CDK13: variants seen among roughly 807,000 people sequenced by gnomAD.
CDK13 encodes cyclin dependent kinase 13.
A neutral mutation model predicts 137.6 loss-of-function variants in CDK13; 40 were observed. The observed-to-expected ratio is 0.29, with a 90% CI of 0.23 to 0.38. The LOEUF (loss-of-function observed/expected upper bound fraction) is 0.38. CDK13 is among the 10% of genes least tolerant of loss of function. The probability of loss-of-function intolerance (pLI) is 1.00; values close to 1 mark genes in which losing one functional copy is unlikely to be tolerated. For missense variants in CDK13, 1,704 were observed against 1,951.8 expected, an observed-to-expected ratio of 0.87 and a Z score of 2.39; for synonymous variants, 869 against 760.1, an observed-to-expected ratio of 1.14 and a Z score of -2.36.
chr7:40,088,000 C>G, intron 11 of CDK13, 126 bp from the exon 12 acceptor site: 1 of 693,162 alleles, frequency 1.4e-6, no homozygotes, highest in Non-Finnish European at 2.4e-6. Context: ...AAGAGTTTTA[C>G]AGAGCCATTC....
intron 4 of CDK13, among the ~76,000 whole-genome samples, chr7:40,001,562 G>A (rs959999568): frequency 4.6e-5 from 7 of 152,040 alleles, no homozygotes; most frequent in Non-Finnish European, 8.8e-5. Flanking sequence ...GAATGTAAAA[G>A]CATCTTAGTT....
intron 3 of CDK13, chr7:39,998,566 C>G (rs566656762): frequency 6.6e-6 from 1 of 150,896 alleles, no homozygotes; most frequent in African/African-American, 2.4e-5. Context: ...CTGTAATGAG[C>G]TGTGATCGTG....
chr7:40,082,224 C>T (rs1786677407), intron 11 of CDK13, among the ~76,000 whole-genome samples: 1 of 152,068 alleles, frequency 6.6e-6, no homozygotes, highest in African/African-American at 2.4e-5. Flanking sequence ...CGCAGTGGCT[C>T]ACGCCTGTAA....
intron 1 of CDK13, among the ~76,000 whole-genome samples, chr7:39,965,568 TCCAATTTGC>T (rs1783852638): frequency 6.6e-6 from 1 of 152,216 alleles, no homozygotes; most frequent in Non-Finnish European, 1.5e-5. Flanking sequence ...TGACTCTTTA[TCCAATTTGC>T]CCATCTGTGT....
chr7:40,035,080 T>TA (rs770717947), intron 5 of CDK13, among the ~76,000 whole-genome samples: 80 of 152,250 alleles, frequency 5.3e-4, no homozygotes, highest in Non-Finnish European at 6.2e-4. Flanking sequence ...GATAAACTCT[T>TA]AGAGTTTTGA....
chr7:40,090,627 G>A (rs769610864), intron 12 of CDK13, among the ~76,000 whole-genome samples: 82 of 149,886 alleles, frequency 5.5e-4, no homozygotes, highest in Admixed American at 4.9e-3. Flanking sequence ...GCTCATGCCC[G>A]TAATCCCAGC....
chr7:39,971,635 A>C (rs1220436558), intron 1 of CDK13, among the ~76,000 whole-genome samples: 3 of 59,306 alleles, frequency 5.1e-5, no homozygotes, highest in Non-Finnish European at 1.1e-4. Context: ...GGTGGCTCGC[A>C]GCACTTTGGG....
At chr7:39,956,858 A>G (rs1408861381) in intron 1 of CDK13, among the ~76,000 whole-genome samples, 2 of 152,184 alleles carry the variant, frequency 1.3e-5, no homozygotes, top group Non-Finnish European at 2.9e-5. Flanking sequence ...AAGTGTTGGG[A>G]TTACAGGCAA....
rs2116062393 is a variant in CDK13 at position 39,951,360 on chromosome 7, A to G, written c.719A>G (p.Glu240Gly). ...CGCAGCCGCCACAGCCACAGCGGCG[A>G]GGAACGGGCCGAGGTCGCCAAGAGC... The part of the protein sequence containing the change: ...KSRSRHSHSG[E>G]ERAEVAKSGS... Residue 240 changes from glutamate (E) to glycine (G), a missense_variant, in exon 1 of 14, where the codon GAG (glutamate) becomes GGG (glycine). Glu to Gly is a moderately conservative substitution (Grantham distance 98, BLOSUM62 -2). Around this residue, in one of 5 missense-constraint regions of CDK13, gnomAD observed 1,051 missense variants for 931.0 expected, o/e 1.13. Transcript: ENST00000181839. 1 of 1,499,420 alleles carries G rather than the reference A, an allele frequency of 6.7e-7. No homozygotes were observed. The highest frequency in any genetic ancestry group is 1.4e-5 in the African/African-American group (1 of 69,152). 92.9% of individuals were successfully genotyped at this position (1,499,420 alleles called of 1,614,324 possible).
intron 5 of CDK13, among the ~76,000 whole-genome samples, chr7:40,023,386 A>G (rs565797330): frequency 1.7e-3 from 254 of 152,180 alleles, no homozygotes; most frequent in African/African-American, 5.9e-3. Flanking sequence ...ATACATTTTC[A>G]TAAGGTATTC....
Position 40,092,925 on chromosome 7 carries a change from C to G in CDK13, c.3376C>G (p.Leu1126Val), listed in dbSNP as rs1182134017. 1.9e-6 allele frequency: 3 copies of G among 1,613,960 alleles called. No individual in the cohort carries two copies. The African/African-American group carries it at 4.0e-5, about 22-fold the overall frequency. Residue 1126 changes from leucine (L) to valine (V), a missense_variant, in exon 13 of 14, where the codon CTA (leucine) becomes GTA (valine). Physicochemically the swap from Leu to Val is conservative, Grantham distance 32. This residue lies in a region of CDK13 where 475 missense variants were observed against 579.3 expected (regional missense o/e 0.82). Coordinates refer to ENST00000181839, the MANE Select transcript of CDK13 (RefSeq NM_003718.5). ...IKVNSETQQQ[L>V]NKINLPAGIL... ...GGTAAACTCTGAGACTCAACAGCAG[C>G]TAAATAAAATAAACCTTCCTGCTGG...
intron 1 of CDK13, chr7:39,952,722 C>T (rs1023253903): frequency 6.6e-6 from 1 of 152,152 alleles, no homozygotes; most frequent in African/African-American, 2.4e-5. Context: ...AGGATAAAAA[C>T]ACAATATAAC....
rs575478245 is a variant in CDK13, at chr7:39,991,882, T to C, written c.1871+3624T>C. 2.0e-5 allele frequency among the ~76,000 whole-genome samples: 3 copies of C among 151,858 alleles called. No individual in the cohort carries two copies. The East Asian group carries it at 5.9e-4, about 30-fold the overall frequency. Reference sequence around the variant, plus strand: ...GCCTCGGCAACATGGTGAAACCCCATCTCTTCAAAAAATACAAAAATTAGC... The same window carrying C: ...GCCTCGGCAACATGGTGAAACCCCACCTCTTCAAAAAATACAAAAATTAGC... On this transcript the variant is annotated intron_variant, in intron 2 of 13. Coordinates refer to ENST00000181839, the MANE Select transcript of CDK13 (RefSeq NM_003718.5).
In CDK13 at chr7:39,951,687, G is replaced by A; in HGVS notation, c.1046G>A (p.Ser349Asn). ...CCCAGCCCGGCAGGAGGTGGCAGCAGCCCCTATTCTCGGCGGCTGCCGCGC... is the reference window on the plus strand; with the variant it reads ...CCCAGCCCGGCAGGAGGTGGCAGCAACCCCTATTCTCGGCGGCTGCCGCGC... ...KSPSPAGGGSSPYSRRLPRSP... is the reference protein window; with the variant it reads ...KSPSPAGGGSNPYSRRLPRSP... The change falls in exon 1 of 14, where the codon AGC (serine) becomes AAC (asparagine). Residue 349 changes from serine (S) to asparagine (N), a missense_variant. Transcript: ENST00000181839. 2.7e-6 allele frequency: 4 copies of A among 1,460,642 alleles called. No homozygotes were observed. The highest frequency in any genetic ancestry group is 3.6e-6 in the Non-Finnish European group (4 of 1,112,840). 90.5% of individuals were successfully genotyped at this position (1,460,642 alleles called of 1,614,324 possible).
chr7:40,081,922 C>T (rs1786671647), intron 11 of CDK13, among the ~76,000 whole-genome samples: 1 of 152,236 alleles, frequency 6.6e-6, no homozygotes, highest in Non-Finnish European at 1.5e-5. Flanking sequence ...CAAATATTTC[C>T]ATTTTAAATA....
chr7:39,997,801 G>C (rs936477575), intron 3 of CDK13, 137 bp downstream of exon 3: 39 of 644,238 alleles, frequency 6.1e-5, no homozygotes, highest in Non-Finnish European at 9.1e-5. Context: ...AATTCTATTA[G>C]AGTTTTGAAA....
intron 5 of CDK13, among the ~76,000 whole-genome samples, chr7:40,023,717 T>TCTCAATCTCCTGAC (rs1245126629): frequency 1.3e-5 from 2 of 152,068 alleles, no homozygotes; most frequent in Non-Finnish European, 2.9e-5. Context: ...GCCAGGATGG[T>TCTCAATCTCCTGAC]CTCGTGATCC....
intron 5 of CDK13, among the ~76,000 whole-genome samples, chr7:40,008,690 C>T (rs1784840623): frequency 6.6e-6 from 1 of 152,008 alleles, no homozygotes; most frequent in African/African-American, 2.4e-5. Context: ...TTTTTTTCCC[C>T]TCCTAAAAAG....
At chr7:39,973,830 T>C (rs6976377) in intron 1 of CDK13, among the ~76,000 whole-genome samples, 21,696 of 152,220 alleles carry the variant, frequency 0.14, 5,116 homozygotes, top group African/African-American at 0.49. Flanking sequence ...GCACCATTTG[T>C]TGAAAAGAGT....
Sources: gnomAD v4.1 joint callset for allele counts (sites outside exome capture counted in the v4.1 genomes callset) on GRCh38, gnomAD v4.1.1 for gene constraint, gnomAD v4.1.1 regional missense constraint, MANE v1.5 for transcripts, NCBI Gene and HGNC (gene_info 2026-07-23, HGNC 2026-07-21) for gene names.